The following SCLT1 variants were observed in gnomAD, a reference collection of about 807,000 sequenced individuals.
The protein encoded by SCLT1 is sodium channel and clathrin linker 1.
SCLT1 carries 78 observed loss-of-function variants against 112.8 expected under a neutral mutation model. That is an observed-to-expected ratio of 0.69 (90% CI 0.58 to 0.83). SCLT1 has a LOEUF of 0.83. SCLT1 is among the 40% of genes least tolerant of loss of function. The pLI is 0.00. For missense variants in SCLT1, 747 were observed against 770.4 expected, an observed-to-expected ratio of 0.97 and a Z score of 0.36; for synonymous variants, 257 against 254.7, an observed-to-expected ratio of 1.01 and a Z score of -0.09.
intron 18 of SCLT1, among the ~76,000 whole-genome samples, chr4:128,899,476 C>A (rs899209616): frequency 1.3e-5 from 2 of 150,346 alleles, no homozygotes; most frequent in Admixed American, 6.6e-5. Flanking sequence ...ATTCAACAAC[C>A]ATTCATGCTA....
intron 11 of SCLT1, among the ~76,000 whole-genome samples, chr4:128,961,725 C>G (rs1218730132): frequency 2.0e-5 from 3 of 152,138 alleles, no homozygotes. Flanking sequence ...CAAAGGTTTA[C>G]TGTTGCTTCT....
intron 8 of SCLT1, among the ~76,000 whole-genome samples, chr4:128,996,520 A>G (rs1263349416): frequency 1.2e-4 from 18 of 152,016 alleles, no homozygotes; most frequent in African/African-American, 3.6e-4. Context: ...CCCCATAACT[A>G]TGTTCTGAAT....
chr4:129,049,111 C>A (rs201802575), intron 2 of SCLT1, among the ~76,000 whole-genome samples: 2 of 151,404 alleles, frequency 1.3e-5, no homozygotes, highest in African/African-American at 4.9e-5. Context: ...ACCATTTGAC[C>A]CAGCCATCGC....
intron 4 of SCLT1, chr4:129,040,318 G>A: frequency 1.6e-6 from 1 of 639,302 alleles, no homozygotes; most frequent in East Asian, 2.7e-5. Context: ...GACAGGTACA[G>A]GGTTTTAAGA....
At chr4:128,927,221 C>T (rs1420623781) in intron 18 of SCLT1, among the ~76,000 whole-genome samples, 2 of 151,426 alleles carry the variant, frequency 1.3e-5, no homozygotes, top group African/African-American at 2.4e-5. Context: ...TGTTTAAGAA[C>T]TTTAGAATTT....
intron 9 of SCLT1, among the ~76,000 whole-genome samples, chr4:128,973,240 T>C (rs1337217977): frequency 2.6e-5 from 4 of 152,130 alleles, no homozygotes; most frequent in African/African-American, 9.7e-5. Context: ...CACTGTATTG[T>C]AATCAATACT....
chr4:128,924,556 G>A (rs1736143067), intron 18 of SCLT1, among the ~76,000 whole-genome samples: 1 of 152,114 alleles, frequency 6.6e-6, no homozygotes, highest in Non-Finnish European at 1.5e-5. Context: ...ACAGGCATGA[G>A]CCACTGCCCC....
intron 17 of SCLT1, among the ~76,000 whole-genome samples, chr4:128,942,266 G>C (rs1056706332): frequency 6.6e-6 from 1 of 152,002 alleles, no homozygotes; most frequent in Non-Finnish European, 1.5e-5. Flanking sequence ...TGACTTCTTA[G>C]GAGTCCTTGC....
Position 129,055,634 on chromosome 4 carries a change from G to A in SCLT1, c.103-11583C>T, listed in dbSNP as rs116705232. ...GGATGCCCCTCCCCCAACCAAGCTC[G>A]TTCATCCCAGGTGGACTTCAGACTT... is the stretch of plus-strand genomic sequence containing the variant. On this transcript the variant is annotated intron_variant, in intron 2 of 20. Coordinates refer to ENST00000281142, the MANE Select transcript of SCLT1 (RefSeq NM_144643.4). 4.6e-3 allele frequency among the ~76,000 whole-genome samples: 704 copies of A among 152,060 alleles called. 6 individuals carry two copies. Among genetic ancestry groups the A allele is most frequent in the African/African-American group, 0.015 (632 of 41,486 alleles).
intron 9 of SCLT1, among the ~76,000 whole-genome samples, chr4:128,990,156 G>A (rs1403090293): frequency 6.6e-6 from 1 of 151,728 alleles, no homozygotes. Context: ...AATAAGGAAA[G>A]CTATAGGCCA....
chr4:128,986,506 T>G (rs1005542018), intron 9 of SCLT1, among the ~76,000 whole-genome samples: 1 of 152,172 alleles, frequency 6.6e-6, no homozygotes, highest in African/African-American at 2.4e-5. Flanking sequence ...GCCAAAGGAT[T>G]GCCTGTGTCA....
chr4:129,028,508 C>T (rs1746354321), intron 5 of SCLT1, among the ~76,000 whole-genome samples: 1 of 152,120 alleles, frequency 6.6e-6, no homozygotes, highest in South Asian at 2.1e-4. Flanking sequence ...CTTCCTTACA[C>T]CTTATACAAA....
At chr4:128,900,159 G>A (rs1203818129) in intron 18 of SCLT1, among the ~76,000 whole-genome samples, 5 of 152,124 alleles carry the variant, frequency 3.3e-5, no homozygotes, top group African/African-American at 4.8e-5. Context: ...TTTCTTCACA[G>A]AATTGGAAAA....
intron 2 of SCLT1, among the ~76,000 whole-genome samples, chr4:129,078,683 CTA>C (rs1751672786): frequency 6.6e-6 from 1 of 152,096 alleles, no homozygotes; most frequent in Non-Finnish European, 1.5e-5. Context: ...TAAAAAATAT[CTA>C]TAAGAATAAG....
At chr4:129,025,277 A>C (rs1350709852) in intron 5 of SCLT1, among the ~76,000 whole-genome samples, 2 of 152,212 alleles carry the variant, frequency 1.3e-5, no homozygotes, top group Admixed American at 6.5e-5. Flanking sequence ...ATGAAGGAAA[A>C]AATGTTAAGG....
chr4:128,897,372 T>C (rs1230029785), intron 18 of SCLT1, among the ~76,000 whole-genome samples: 53 of 152,030 alleles, frequency 3.5e-4, no homozygotes, highest in African/African-American at 1.2e-3. Context: ...CAATATTCAA[T>C]ATTCTTAAAG....
intron 20 of SCLT1, among the ~76,000 whole-genome samples, chr4:128,886,955 T>C (rs964592842): frequency 6.6e-6 from 1 of 152,350 alleles, no homozygotes; most frequent in Admixed American, 6.5e-5. Flanking sequence ...AGGATTATGA[T>C]ACAGAAATTT....
At chr4:129,030,629 T>C (rs1234328688) in intron 5 of SCLT1, among the ~76,000 whole-genome samples, 1 of 152,036 alleles carries the variant, frequency 6.6e-6, no homozygotes, top group African/African-American at 2.4e-5. Flanking sequence ...ATAATGGGGA[T>C]ATCACCACTG....
rs1055888972 is a variant in SCLT1, at chr4:129,027,583, A to C, written c.290+11458T>G. 4.5e-4 allele frequency among the ~76,000 whole-genome samples: 69 copies of C among 152,280 alleles called. 1 individual carries two copies. Among genetic ancestry groups the C allele is most frequent in the African/African-American group, 1.6e-3 (65 of 41,564 alleles). ...ACAGCCAATATCATACTGAATGGGCAAAAACTGGAAGCATTCCCTTTGAAA... is the reference window on the plus strand; with the variant it reads ...ACAGCCAATATCATACTGAATGGGCCAAAACTGGAAGCATTCCCTTTGAAA... On this transcript the variant is annotated intron_variant, in intron 5 of 20. Coordinates refer to ENST00000281142, the MANE Select transcript of SCLT1 (RefSeq NM_144643.4).
Sources: allele counts gnomAD v4.1 joint callset (sites outside exome capture counted in the v4.1 genomes callset), GRCh38; gene constraint gnomAD v4.1.1; transcripts MANE v1.5; gene names NCBI Gene and HGNC (gene_info 2026-07-23, HGNC 2026-07-21).